Variants in CASP1 observed in about 807,000 individuals in gnomAD.
CASP1 encodes the protein caspase-1.
In CASP1, 31 loss-of-function variants were observed where a neutral mutation model predicts 41.2. The ratio of observed to expected loss-of-function variants is 0.75; its 90% confidence interval spans 0.57 to 1.02. The LOEUF (loss-of-function observed/expected upper bound fraction) is 1.02, where lower values mean the gene tolerates loss of function less well. CASP1 is among the 50% of genes least tolerant of loss of function. The probability of loss-of-function intolerance (pLI) is 0.00; values close to 1 mark genes in which losing one functional copy is unlikely to be tolerated. For synonymous variants in CASP1, 163 were observed against 166.5 expected (o/e 0.98, Z 0.16); for missense variants, 490 against 495.7 (o/e 0.99, Z 0.11).
upstream of CASP1, among the ~76,000 whole-genome samples, chr11:105,035,631 T>TTTTTTTTTTTC (rs1863981963): frequency 6.8e-6 from 1 of 147,510 alleles, no homozygotes; most frequent in Admixed American, 6.8e-5. Flanking sequence ...TTTTTTTTTT[T>TTTTTTTTTTTC]CTGATACAGG....
In CASP1 at chr11:105,034,131, A is replaced by T. The variant is rs770456856; in HGVS notation, c.274+77T>A. 6 of 1,610,560 alleles carry T rather than the reference A, an allele frequency of 3.7e-6. No homozygotes were observed. In the South Asian group the frequency reaches 6.6e-5, roughly 18 times the overall value. The stretch of plus-strand genomic sequence containing the variant: ...ATAAGAAAGTTTTCTTCCAATTAAC[A>T]TGACTAGTAAAGAAATCAAATGTTA... On this transcript the variant is annotated intron_variant, in intron 2 of 8. Transcript: ENST00000533400.
rs1191567748 is a variant in CASP1 at position 105,029,160 on chromosome 11, CTA to C, written c.968_969del (p.Ile323ArgfsTer14). On this transcript the variant is annotated frameshift_variant, in exon 7 of 9. Transcript: ENST00000533400. LOFTEE classifies it high-confidence loss of function. ...GAGCAGAAAGCGATAAAATCCTTCT[CTA>C]TGTGGGCTTTCTTAATAGCATCATC... is the stretch of plus-strand genomic sequence containing the variant. The part of the protein sequence containing the change: ...FEDDAIKKAH[I>X]EKDFIAFCSS... 1 of 1,613,278 alleles carries C rather than the reference CTA, an allele frequency of 6.2e-7. No homozygotes were observed. Among genetic ancestry groups the C allele is most frequent in the Non-Finnish European group, 8.5e-7 (1 of 1,179,526 alleles).
chr11:105,032,181 A>G (rs1445283374), intron 3 of CASP1, among the ~76,000 whole-genome samples: 1 of 152,238 alleles, frequency 6.6e-6, no homozygotes, highest in East Asian at 1.9e-4. Flanking sequence ...AAACAAAGGC[A>G]GCATGAAATG....
rs533869400 is a variant in CASP1 at position 105,029,588 on chromosome 11, A to T, written c.862+77T>A. The T allele has an allele frequency of 1.4e-5, 16 of 1,118,700 alleles. No homozygotes were observed. The East Asian group carries it at 3.9e-4, about 27-fold the overall frequency. 69.3% of individuals were successfully genotyped at this position (1,118,700 alleles called of 1,614,324 possible). ...TTGACATTAAAAGACAAACCAAAAG[A>T]AACCAAAAATTCTTGGATGCATACA... On this transcript the variant is annotated intron_variant, in intron 6 of 8. Coordinates refer to ENST00000533400, the MANE Select transcript of CASP1 (RefSeq NM_001257118.3).
At chr11:105,029,554 A>G (rs950291452) in intron 6 of CASP1, 111 bp downstream of exon 6, 4 of 731,728 alleles carry the variant, frequency 5.5e-6, no homozygotes, top group Non-Finnish European at 7.0e-6. Context: ...TACTGACAGT[A>G]TGTGTTCTTT....
At chr11:105,028,164 TG>T (rs1318693376) in intron 7 of CASP1, among the ~76,000 whole-genome samples, 1 of 151,984 alleles carries the variant, frequency 6.6e-6, no homozygotes, top group African/African-American at 2.4e-5. Context: ...TTCTGATCAT[TG>T]GGAAAAAAAA....
intron 4 of CASP1, 38 bp from the exon 5 acceptor site, chr11:105,030,541 T>G: frequency 6.4e-7 from 1 of 1,568,510 alleles, no homozygotes; most frequent in South Asian, 1.1e-5. Flanking sequence ...GCCTTGTTCT[T>G]TCCAATTAAA....
Position 105,030,431 on chromosome 11 carries a change from T to C in CASP1, c.526A>G (p.Ile176Val), listed in dbSNP as rs371409713. ...LIICNEEFDS[I>V]PRRTGAEVDI... ...ACCTCAGCTCCAGTTCTTCTAGGAATACTGTCAAATTCTTCATTGCAGATA... is the reference window on the plus strand; with the variant it reads ...ACCTCAGCTCCAGTTCTTCTAGGAACACTGTCAAATTCTTCATTGCAGATA... The change falls in exon 5 of 9, where the codon ATT becomes GTT. Residue 176 changes from isoleucine (I) to valine (V), a missense_variant. By Grantham distance (29) the Ile-to-Val change is conservative. Transcript: ENST00000533400. 5.0e-6 allele frequency: 8 copies of C among 1,613,502 alleles called. No homozygotes were observed. In the African/African-American group the frequency reaches 5.3e-5, roughly 11 times the overall value.
In CASP1 at chr11:105,031,279, A is replaced by T. The variant is rs764985999; in HGVS notation, c.339T>A (p.Ala113=). The T allele has an allele frequency of 6.4e-7, 1 of 1,565,942 alleles. No homozygotes were observed. Among genetic ancestry groups the T allele is most frequent in the South Asian group, 1.1e-5 (1 of 90,040 alleles). The change falls in exon 4 of 9, where the codon GCT becomes GCA. Residue 113 remains alanine (A), a splice_region_variant and synonymous_variant. Transcript: ENST00000533400. ...DSQGVLSSFP[A]PQAVQDNPAM... Reference sequence around the variant, plus strand: ...CTGGGTTGTCCTGCACTGCCTGAGGAGCTGCAAGAGACAAAGAACATCATG... The same window carrying T: ...CTGGGTTGTCCTGCACTGCCTGAGGTGCTGCAAGAGACAAAGAACATCATG...
upstream of CASP1, chr11:105,035,335 A>G (rs1250823018): frequency 3.4e-6 from 2 of 591,968 alleles, no homozygotes; most frequent in African/African-American, 1.9e-5. Flanking sequence ...TAGGAGGGGA[A>G]TGGGGCTTGG....
In CASP1 at chr11:105,026,835, A is replaced by G. The variant is rs558362265; in HGVS notation, c.1116+7T>C. On this transcript the variant is annotated splice_region_variant and intron_variant, in intron 8 of 8. Coordinates refer to ENST00000533400, the MANE Select transcript of CASP1 (RefSeq NM_001257118.3). The stretch of plus-strand genomic sequence containing the variant: ...TAGAGTGAAAATAGCATCCACTAGC[A>G]TCTTACCTTGCGGAAAATTTCCTCC... The G allele has an allele frequency of 6.9e-7, 1 of 1,442,988 alleles. No homozygotes were observed. Among genetic ancestry groups the G allele is most frequent in the Admixed American group, 1.7e-5 (1 of 59,688 alleles). The allele number at this position is 1,442,988 out of a possible 1,614,324, so 89.4% of individuals were successfully genotyped here.
chr11:105,033,375 C>G (rs1411573440), intron 2 of CASP1, among the ~76,000 whole-genome samples: 1 of 152,212 alleles, frequency 6.6e-6, no homozygotes, highest in Non-Finnish European at 1.5e-5. Context: ...TCTGCTTAGA[C>G]AGGCATAAGC....
chr11:105,026,178 C>A lies in CASP1; in HGVS notation c.*80G>T. On this transcript the variant is annotated 3_prime_UTR_variant, in exon 9 of 9. Transcript: ENST00000533400. Reference sequence around the variant, plus strand: ...AGAGTTCTTGACTCAAATGGACTTTCAGTACCCTTTCCTCAACCTTCCCAC... The same window carrying A: ...AGAGTTCTTGACTCAAATGGACTTTAAGTACCCTTTCCTCAACCTTCCCAC... 1 of 892,454 alleles carries A rather than the reference C, an allele frequency of 1.1e-6. No individual in the cohort carries two copies. Among genetic ancestry groups the A allele is most frequent in the South Asian group, 1.5e-5 (1 of 68,856 alleles). 55.3% of individuals were successfully genotyped at this position (892,454 alleles called of 1,614,324 possible).
intron 3 of CASP1, among the ~76,000 whole-genome samples, chr11:105,032,795 A>T (rs780802077): frequency 2.6e-5 from 4 of 152,162 alleles, no homozygotes; most frequent in Non-Finnish European, 4.4e-5. Flanking sequence ...GGGAGATGGG[A>T]GTGAATATTT....
chr11:105,032,894 A>G (rs916837050), intron 3 of CASP1, among the ~76,000 whole-genome samples, 170 bp downstream of exon 3: 3 of 152,196 alleles, frequency 2.0e-5, no homozygotes, highest in African/African-American at 7.2e-5. Flanking sequence ...AATGTGGATA[A>G]TGAAGCTGTG....
intron 3 of CASP1, 61 bp downstream of exon 3, chr11:105,033,003 C>T (rs755574234): frequency 4.7e-6 from 5 of 1,057,752 alleles, no homozygotes; most frequent in Non-Finnish European, 7.3e-6. Context: ...TTTGATCCTA[C>T]AAAATTAATG....
intron 6 of CASP1, among the ~76,000 whole-genome samples, 174 bp from the exon 7 acceptor site, chr11:105,029,441 TCAAA>T (rs1226209907): frequency 6.6e-6 from 1 of 152,172 alleles, no homozygotes; most frequent in African/African-American, 2.4e-5. Context: ...TTTCTAACCA[TCAAA>T]CAAATTGTAA....
At position 105,031,075 on chromosome 11, in the gene CASP1, A is replaced by G. The variant is rs59753265; in HGVS notation, c.453+90T>C. 6,545 of 738,764 alleles carry G rather than the reference A, an allele frequency of 8.9e-3. 305 individuals carry two copies. The African/African-American group carries it at 0.099, about 11-fold the overall frequency. The allele number at this position is 738,764 out of a possible 1,614,324, so 45.8% of individuals were successfully genotyped here. On this transcript the variant is annotated intron_variant, in intron 4 of 8. Coordinates refer to ENST00000533400, the MANE Select transcript of CASP1 (RefSeq NM_001257118.3). ...TATGATTCTCCAGAACTGCTCAATG[A>G]GGTTGGCTCTAAGAATAAGCCACTG...
upstream of CASP1, among the ~76,000 whole-genome samples, chr11:105,036,240 A>C (rs1204665830): frequency 1.3e-5 from 2 of 152,176 alleles, no homozygotes; most frequent in East Asian, 3.9e-4. Context: ...TTATTTAGCT[A>C]AGTTTATCTT....
Sources: gnomAD v4.1 joint callset for allele counts (sites outside exome capture counted in the v4.1 genomes callset) on GRCh38, gnomAD v4.1.1 for gene constraint, MANE v1.5 for transcripts, NCBI Gene and HGNC (gene_info 2026-07-23, HGNC 2026-07-21) for gene names.